The following RIMBP2 variants were observed in gnomAD, a reference collection of about 807,000 sequenced individuals.
RIMBP2 encodes the protein RIMS binding protein 2, also known as RIMS-binding protein 2.
RIMBP2 carries 48 observed loss-of-function variants against 118.6 expected under a neutral mutation model. The observed-to-expected ratio is 0.40, with a 90% CI of 0.32 to 0.51. RIMBP2 has a LOEUF of 0.51. RIMBP2 is among the 20% of genes least tolerant of loss of function. The pLI is 0.41. For synonymous variants in RIMBP2, 762 were observed against 742.9 expected (o/e 1.03, Z -0.42); for missense variants, 1,551 against 1,768.3 (o/e 0.88, Z 2.20).
intron 6 of RIMBP2, among the ~76,000 whole-genome samples, chr12:130,462,884 T>C (rs1593394543): frequency 6.6e-6 from 1 of 152,330 alleles, no homozygotes; most frequent in Non-Finnish European, 1.5e-5. Context: ...CCTTGTAACC[T>C]ACAATGAAGG....
intron 1 of RIMBP2, among the ~76,000 whole-genome samples, chr12:130,677,589 C>G (rs1377307013): frequency 6.6e-6 from 1 of 152,140 alleles, no homozygotes; most frequent in East Asian, 1.9e-4. Flanking sequence ...GATCGCAACA[C>G]TGAACTCCAC....
At chr12:130,689,858 G>C (rs374861108) in intron 1 of RIMBP2, among the ~76,000 whole-genome samples, 1 of 152,186 alleles carries the variant, frequency 6.6e-6, no homozygotes, top group Non-Finnish European at 1.5e-5. Flanking sequence ...TGGGTCAGGC[G>C]TCTGGGCAGG....
chr12:130,516,734 G>A (rs867118006), intron 3 of RIMBP2, among the ~76,000 whole-genome samples: 1 of 152,304 alleles, frequency 6.6e-6, no homozygotes, highest in Middle Eastern at 3.4e-3. Flanking sequence ...AGAGGTGGAC[G>A]AGAGGTAGCA....
chr12:130,566,158 C>CAA (rs2057199540), intron 2 of RIMBP2, among the ~76,000 whole-genome samples: 3 of 150,340 alleles, frequency 2.0e-5, no homozygotes, highest in Admixed American at 6.6e-5. Flanking sequence ...AAATTTGTTG[C>CAA]CAATTTATAC....
In RIMBP2 at chr12:130,412,793, G is replaced by A. The variant is rs1028736719; in HGVS notation, c.3421-6C>T. 2 of 1,605,624 alleles carry A rather than the reference G, an allele frequency of 1.2e-6. No homozygotes were observed. ...GCGTCTTTATCACCATAAACCTAGA[G>A]CCAAGGGGGAAAATAAATCAAGCAC... On this transcript the variant is annotated splice_polypyrimidine_tract_variant and splice_region_variant and intron_variant, in intron 18 of 22. Transcript: ENST00000690449.
Position 130,691,941 on chromosome 12 carries a change from G to A in RIMBP2, c.-352+24281C>T, listed in dbSNP as rs76379897. Reference sequence around the variant, plus strand: ...TGGCAGGGGGACGGGTTTCTAGAACGAGGAGAAGCGGATACAGTCTAAGAT... The same window carrying A: ...TGGCAGGGGGACGGGTTTCTAGAACAAGGAGAAGCGGATACAGTCTAAGAT... On this transcript the variant is annotated intron_variant, in intron 1 of 22. Coordinates refer to ENST00000690449, the MANE Select transcript of RIMBP2 (RefSeq NM_001393629.1). Among the ~76,000 whole-genome samples the A allele has an allele frequency of 4.5e-3, 684 of 152,322 alleles. 20 individuals carry two copies. In the East Asian group the frequency reaches 0.096, roughly 21 times the overall value.
At chr12:130,675,756 A>G (rs558024159) in intron 1 of RIMBP2, among the ~76,000 whole-genome samples, 3 of 152,364 alleles carry the variant, frequency 2.0e-5, no homozygotes, top group African/African-American at 7.2e-5. Flanking sequence ...CAGCCAGTGT[A>G]TTAAACAGCT....
Position 130,414,692 on chromosome 12 carries a change from G to T in RIMBP2, c.3239-386C>A, listed in dbSNP as rs181354213. 194 of 167,434 alleles carry T rather than the reference G, an allele frequency of 1.2e-3. 1 individual carries two copies. The highest frequency in any genetic ancestry group is 4.4e-3 in the African/African-American group (185 of 41,900). The allele number at this position is 167,434 out of a possible 1,614,324, so 10.4% of individuals were successfully genotyped here. A position where few individuals can be genotyped will look rare whatever the true frequency, so the allele number is the denominator to read the frequency against. On this transcript the variant is annotated intron_variant, in intron 17 of 22. Transcript: ENST00000690449. ...GCTAAGCACAGCCCACGTTTAAAATGTTTGTATGTTAGTCAAAGTCCATAG... is the reference window on the plus strand; with the variant it reads ...GCTAAGCACAGCCCACGTTTAAAATTTTTGTATGTTAGTCAAAGTCCATAG...
In RIMBP2 at chr12:130,442,934, G is replaced by C. The variant is rs1202316335; in HGVS notation, c.692-274C>G. On this transcript the variant is annotated intron_variant, in intron 10 of 22. Coordinates refer to ENST00000690449, the MANE Select transcript of RIMBP2 (RefSeq NM_001393629.1). This position sits in a 1 kb window ranked among gnomAD's most constrained non-coding sequence, Gnocchi z 6.9. ...GTTTGTGTATCCGTGTACGTACACTGACTACCCCCTCCCAACACGAACAAC... is the reference window on the plus strand; with the variant it reads ...GTTTGTGTATCCGTGTACGTACACTCACTACCCCCTCCCAACACGAACAAC... Among the ~76,000 whole-genome samples, 1 of 152,118 alleles carries C rather than the reference G, an allele frequency of 6.6e-6. No individual in the cohort carries two copies. Among genetic ancestry groups the C allele is most frequent in the African/African-American group, 2.4e-5 (1 of 41,420 alleles).
intron 1 of RIMBP2, among the ~76,000 whole-genome samples, chr12:130,676,224 A>C (rs1295541102): frequency 6.6e-6 from 1 of 152,042 alleles, no homozygotes; most frequent in Non-Finnish European, 1.5e-5. Flanking sequence ...ACATGTGTTC[A>C]CACAAAAACC....
chr12:130,654,176 T>A (rs534000039), intron 1 of RIMBP2, among the ~76,000 whole-genome samples: 5 of 152,368 alleles, frequency 3.3e-5, no homozygotes, highest in Admixed American at 2.6e-4. Flanking sequence ...CTGAAACTTT[T>A]ATGCTCTGCT....
At chr12:130,407,289 G>C (rs1347943792) in intron 20 of RIMBP2, among the ~76,000 whole-genome samples, 1 of 152,122 alleles carries the variant, frequency 6.6e-6, no homozygotes, top group Non-Finnish European at 1.5e-5. Flanking sequence ...AAGACACCAG[G>C]CATCCCAAGC....
chr12:130,422,664 C>A lies in RIMBP2; in HGVS notation c.3130-103G>T. ...GGTTGAAAAGCAGAATCTGTAAAGG[C>A]AACTAAACTTAGCTTTTAACTGAAA... is the stretch of plus-strand genomic sequence containing the variant. On this transcript the variant is annotated intron_variant, in intron 16 of 22. Coordinates refer to ENST00000690449, the MANE Select transcript of RIMBP2 (RefSeq NM_001393629.1). The surrounding 1 kb of genome is among the most constrained non-coding windows in gnomAD (Gnocchi z 5.2). The A allele has an allele frequency of 1.3e-6, 1 of 789,942 alleles. No individual in the cohort carries two copies. Among genetic ancestry groups the A allele is most frequent in the South Asian group, 1.7e-5 (1 of 59,356 alleles). The allele number at this position is 789,942 out of a possible 1,614,324, so 48.9% of individuals were successfully genotyped here. A position where few individuals can be genotyped will look rare whatever the true frequency, so the allele number is the denominator to read the frequency against.
At chr12:130,613,083 G>A (rs2060660494) in intron 2 of RIMBP2, among the ~76,000 whole-genome samples, 1 of 152,210 alleles carries the variant, frequency 6.6e-6, no homozygotes, top group Non-Finnish European at 1.5e-5. Context: ...CGGCAAGGAT[G>A]ACTAGGTGAC....
chr12:130,439,969 ATGTG>A (rs1323589392), intron 11 of RIMBP2, among the ~76,000 whole-genome samples: 4 of 148,622 alleles, frequency 2.7e-5, no homozygotes, highest in Non-Finnish European at 6.0e-5. Context: ...GTCTGTAGGG[ATGTG>A]TGTGTGTGGG....
In RIMBP2 at chr12:130,578,885, C is replaced by T. The variant is rs767105050; in HGVS notation, c.-217+49437G>A. ...TAATGCTCCCAGTGGTGTCTGACAC[C>T]GTCTTTCATTATTAAATATATTCAT... On this transcript the variant is annotated intron_variant, in intron 2 of 22. Transcript: ENST00000690449. This position sits in a 1 kb window ranked among gnomAD's most constrained non-coding sequence, Gnocchi z 4.1. 1.3e-5 allele frequency among the ~76,000 whole-genome samples: 2 copies of T among 151,996 alleles called. No individual in the cohort carries two copies. The highest frequency in any genetic ancestry group is 2.9e-5 in the Non-Finnish European group (2 of 68,024).
At chr12:130,408,078 T>C (rs2075343755) in intron 19 of RIMBP2, among the ~76,000 whole-genome samples, 1 of 152,128 alleles carries the variant, frequency 6.6e-6, no homozygotes, top group Non-Finnish European at 1.5e-5. Context: ...TTTTCCTTCC[T>C]CCAGTCTGTC....
At chr12:130,596,620 C>T (rs1053021019) in intron 2 of RIMBP2, among the ~76,000 whole-genome samples, 1 of 152,216 alleles carries the variant, frequency 6.6e-6, no homozygotes, top group African/African-American at 2.4e-5. Context: ...TTTTCTGTCT[C>T]TTCTGCCGTA....
intron 1 of RIMBP2, among the ~76,000 whole-genome samples, chr12:130,649,840 G>T (rs2063152998): frequency 6.6e-6 from 1 of 151,928 alleles, no homozygotes; most frequent in Non-Finnish European, 1.5e-5. Flanking sequence ...CGGGTGCTGG[G>T]AGTACTCTAC....
Sources: gnomAD v4.1 joint callset for allele counts (sites outside exome capture counted in the v4.1 genomes callset) on GRCh38, gnomAD v4.1.1 for gene constraint, Gnocchi (gnomAD v3.1) non-coding constraint, MANE v1.5 for transcripts, NCBI Gene and HGNC (gene_info 2026-07-23, HGNC 2026-07-21) for gene names.